SMARCAD1: variants seen among roughly 807,000 people sequenced by gnomAD.
The protein encoded by SMARCAD1 is SNF2 related chromatin remodeling ATPase with DExD box 1.
In SMARCAD1, 25 loss-of-function variants were observed where a neutral mutation model predicts 127.1. That is an observed-to-expected ratio of 0.20 (90% CI 0.14 to 0.27). The LOEUF (loss-of-function observed/expected upper bound fraction) is 0.27, where lower values mean the gene tolerates loss of function less well. SMARCAD1 is among the 10% of genes least tolerant of loss of function. The pLI, the probability that SMARCAD1 is intolerant of heterozygous loss-of-function variation, is 1.00. For synonymous variants in SMARCAD1, 400 were observed against 396.9 expected (o/e 1.01, Z -0.09); for missense variants, 807 against 1,206.0 (o/e 0.67, Z 4.90).
chr4:94,264,940 A>C, intron 10 of SMARCAD1, 34 bp downstream of exon 10: 1 of 1,560,632 alleles, frequency 6.4e-7, no homozygotes, highest in Non-Finnish European at 8.8e-7. Flanking sequence ...TTCGTATTTT[A>C]TCTCAATTAT....
At chr4:94,250,910 A>G in intron 8 of SMARCAD1, 77 bp downstream of exon 8, 3 of 1,159,810 alleles carry the variant, frequency 2.6e-6, no homozygotes, top group Non-Finnish European at 3.8e-6. Context: ...ATGGTATATA[A>G]GAAAAGCTAT....
At chr4:94,231,126 C>T (rs1745775990) in intron 3 of SMARCAD1, among the ~76,000 whole-genome samples, 1 of 152,124 alleles carries the variant, frequency 6.6e-6, no homozygotes, top group Non-Finnish European at 1.5e-5. Flanking sequence ...TGTAGAAAAT[C>T]AGTCTAATAA....
intron 9 of SMARCAD1, among the ~76,000 whole-genome samples, chr4:94,259,476 G>T (rs1750631616): frequency 6.6e-6 from 1 of 152,088 alleles, no homozygotes. Flanking sequence ...CAGTCATTTT[G>T]ATCATCTCTA....
chr4:94,269,953 A>G (rs1440397534), intron 10 of SMARCAD1, among the ~76,000 whole-genome samples: 1 of 152,024 alleles, frequency 6.6e-6, no homozygotes, highest in South Asian at 2.1e-4. Context: ...GATTACGGGC[A>G]TGAGCCACTG....
chr4:94,265,471 T>A (rs1560552590), intron 10 of SMARCAD1, among the ~76,000 whole-genome samples: 1 of 151,870 alleles, frequency 6.6e-6, no homozygotes, highest in Non-Finnish European at 1.5e-5. Context: ...ATTTCCCCAA[T>A]TTGCTACTTT....
At chr4:94,247,631 C>T (rs371005501) in intron 6 of SMARCAD1, among the ~76,000 whole-genome samples, 5 of 152,132 alleles carry the variant, frequency 3.3e-5, no homozygotes, top group South Asian at 2.1e-4. Flanking sequence ...TAGTTCCAAA[C>T]GCTGTCATCA....
intron 2 of SMARCAD1, among the ~76,000 whole-genome samples, chr4:94,222,461 A>G (rs554684423): frequency 6.2e-5 from 9 of 144,390 alleles, no homozygotes; most frequent in African/African-American, 2.3e-4. Context: ...ACATTATACT[A>G]TTTCCTCTGT....
intron 2 of SMARCAD1, 33 bp downstream of exon 2, chr4:94,208,617 A>T (rs759671432): frequency 1.3e-6 from 2 of 1,591,176 alleles, no homozygotes; most frequent in African/African-American, 2.7e-5. Flanking sequence ...ATGTAACATC[A>T]AGGACAGTTT....
At chr4:94,210,212 T>C (rs1578966811) in intron 2 of SMARCAD1, among the ~76,000 whole-genome samples, 1 of 152,214 alleles carries the variant, frequency 6.6e-6, no homozygotes, top group East Asian at 1.9e-4. Context: ...AAAACTGAGA[T>C]TGCTTTAGGA....
In SMARCAD1 at chr4:94,278,760, G is replaced by A. The variant is rs775696214; in HGVS notation, c.2296+27G>A. The A allele has an allele frequency of 1.2e-5, 20 of 1,605,806 alleles. No homozygotes were observed. The East Asian group carries it at 4.0e-4, about 32-fold the overall frequency. On this transcript the variant is annotated intron_variant, in intron 18 of 23. Coordinates refer to ENST00000354268, the MANE Select transcript of SMARCAD1 (RefSeq NM_020159.5). ...TATAATCTGATTTTTACTCTTTTAT[G>A]TGAAAAAGAATCTTGTACTGGGGAT...
intron 16 of SMARCAD1, 77 bp downstream of exon 16, chr4:94,277,236 TGTTGTTTTCATA>T (rs1753432801): frequency 6.5e-7 from 1 of 1,547,550 alleles, no homozygotes; most frequent in African/African-American, 1.4e-5. Flanking sequence ...AGGTCTCTTT[TGTTGTTTTCATA>T]GTGCATATGC....
intron 2 of SMARCAD1, among the ~76,000 whole-genome samples, chr4:94,223,165 C>T (rs1195226535): frequency 1.3e-5 from 2 of 152,074 alleles, no homozygotes; most frequent in Non-Finnish European, 1.5e-5. Flanking sequence ...CAGTCCAGTG[C>T]TCTGCCTCTG....
intron 9 of SMARCAD1, chr4:94,264,460 G>A (rs888577279): frequency 5.9e-6 from 2 of 339,882 alleles, no homozygotes; most frequent in Non-Finnish European, 1.1e-5. Flanking sequence ...TTGGGATTAT[G>A]CATTTTTTGA....
At chr4:94,280,960 T>G (rs1753927075) in intron 20 of SMARCAD1, among the ~76,000 whole-genome samples, 180 bp downstream of exon 20, 3 of 138,052 alleles carry the variant, frequency 2.2e-5, no homozygotes, top group Admixed American at 1.6e-4. Context: ...CTGTTGAACC[T>G]CAGACAAAAA....
chr4:94,242,931 G>C (rs1157723980), intron 6 of SMARCAD1, among the ~76,000 whole-genome samples: 2 of 151,956 alleles, frequency 1.3e-5, no homozygotes, highest in African/African-American at 4.8e-5. Context: ...TACAAATGAA[G>C]TTTAAGGATT....
Position 94,269,758 on chromosome 4 carries a change from TC to T in SMARCAD1, c.1482-967del, listed in dbSNP as rs368781018. ...ATCTCAGCTCACTATAACTTCTGCCTCCCAGGCTCAGGTGATCCTTCCACCT... is the reference window on the plus strand; with the variant it reads ...ATCTCAGCTCACTATAACTTCTGCCTCCAGGCTCAGGTGATCCTTCCACCT... On this transcript the variant is annotated intron_variant, in intron 10 of 23. Coordinates refer to ENST00000354268, the MANE Select transcript of SMARCAD1 (RefSeq NM_020159.5). 1.1e-4 allele frequency among the ~76,000 whole-genome samples: 17 copies of T among 152,190 alleles called. No homozygotes were observed. The East Asian group carries it at 2.7e-3, about 24-fold the overall frequency.
At position 94,244,768 on chromosome 4, in the gene SMARCAD1, AAACTT is replaced by A. The variant is rs201635836; in HGVS notation, c.705+3768_705+3772del. ...GCCCCAAAACATTAAAAAAAAAAAA[AAACTT>A]AACTTTAAAAATTCTTACAGTGTAT... On this transcript the variant is annotated intron_variant, in intron 6 of 23. Coordinates refer to ENST00000354268, the MANE Select transcript of SMARCAD1 (RefSeq NM_020159.5). Among the ~76,000 whole-genome samples, 867 of 152,236 alleles carry A rather than the reference AAACTT, an allele frequency of 5.7e-3. 6 individuals are homozygous for A. The highest frequency in any genetic ancestry group is 0.019 in the African/African-American group (794 of 41,524).
intron 6 of SMARCAD1, among the ~76,000 whole-genome samples, chr4:94,242,380 G>A (rs1287982119): frequency 6.6e-6 from 1 of 151,954 alleles, no homozygotes. Context: ...GAGATGTTCA[G>A]CAATGTACCT....
chr4:94,271,989 T>G (rs1166776731), intron 11 of SMARCAD1, among the ~76,000 whole-genome samples: 2 of 152,196 alleles, frequency 1.3e-5, no homozygotes, highest in African/African-American at 2.4e-5. Flanking sequence ...ACCAAGTGGC[T>G]TAAACAACAG....
Sources: gnomAD v4.1 joint callset for allele counts (sites outside exome capture counted in the v4.1 genomes callset) on GRCh38, gnomAD v4.1.1 for gene constraint, MANE v1.5 for transcripts, NCBI Gene and HGNC (gene_info 2026-07-23, HGNC 2026-07-21) for gene names.